The following MEDAG variants were observed in gnomAD, a reference collection of about 807,000 sequenced individuals.
MEDAG encodes mesenteric estrogen dependent adipogenesis, also known as mesenteric estrogen-dependent adipogenesis protein.
A neutral mutation model predicts 29.9 loss-of-function variants in MEDAG; 25 were observed. The observed-to-expected ratio is 0.84, with a 90% confidence interval of 0.61 to 1.17. MEDAG has a LOEUF of 1.17. MEDAG is among the 50% of genes most tolerant of loss of function. The pLI is 0.00. For synonymous variants in MEDAG, 158 were observed against 148.2 expected (o/e 1.07, Z -0.48); for missense variants, 398 against 372.9 (o/e 1.07, Z -0.56).
chr13:30,917,283 G>T, intron 1 of MEDAG, 120 bp from the exon 2 acceptor site: 1 of 702,842 alleles, frequency 1.4e-6, no homozygotes, highest in Non-Finnish European at 2.6e-6. Context: ...CTGTAAGGAT[G>T]CATTTCAAGG....
In MEDAG at chr13:30,921,819, G is replaced by T. The variant is rs768660202; in HGVS notation, c.760G>T (p.Asp254Tyr). ...TTTAATCCGAAGGAGCAGTTTCTCT[G>T]ACCGAAAGTTCAGTGTAACTTCCAG... ...EPLIRRSSFS[D>Y]RKFSVTSRGS... The change falls in exon 4 of 5, where the codon GAC becomes TAC. Residue 254 changes from aspartate (D) to tyrosine (Y), a missense_variant. Asp to Tyr is a radical substitution (Grantham distance 160, BLOSUM62 -3). Transcript: ENST00000380482. 1.2e-6 allele frequency: 2 copies of T among 1,609,142 alleles called. No individual in the cohort carries two copies. The highest frequency in any genetic ancestry group is 1.1e-5 in the South Asian group (1 of 89,730).
Position 30,906,409 on chromosome 13 carries a change from G to C in MEDAG, c.-107G>C, listed in dbSNP as rs1013127439. On this transcript the variant is annotated 5_prime_UTR_variant, in exon 1 of 5. Coordinates refer to ENST00000380482, the MANE Select transcript of MEDAG (RefSeq NM_032849.4). ...CCGACCCCCTCCTCACCTCGCGCGCGGCTGACGCAGGCAGGGCGCCCGGCC... is the reference window on the plus strand; with the variant it reads ...CCGACCCCCTCCTCACCTCGCGCGCCGCTGACGCAGGCAGGGCGCCCGGCC... 3 of 1,229,708 alleles carry C rather than the reference G, an allele frequency of 2.4e-6. No homozygotes were observed. Among genetic ancestry groups the C allele is most frequent in the African/African-American group, 3.1e-5 (2 of 63,660 alleles). The allele number at this position is 1,229,708 out of a possible 1,614,324, so 76.2% of individuals were successfully genotyped here.
chr13:30,918,672 A>G (rs1015433907), intron 2 of MEDAG, among the ~76,000 whole-genome samples: 11 of 152,352 alleles, frequency 7.2e-5, no homozygotes, highest in Admixed American at 2.0e-4. Flanking sequence ...CTTGCTTCTA[A>G]CTAACATTCT....
chr13:30,907,838 A>G (rs1056857616), intron 1 of MEDAG, among the ~76,000 whole-genome samples: 10 of 152,350 alleles, frequency 6.6e-5, no homozygotes, highest in South Asian at 6.2e-4. Flanking sequence ...AAAATGAGAT[A>G]TTGAACGTGC....
In MEDAG at chr13:30,921,770, A is replaced by T. The variant is rs536772013; in HGVS notation, c.711A>T (p.Leu237Phe). 1.2e-6 allele frequency: 2 copies of T among 1,613,502 alleles called. No individual in the cohort carries two copies. Among genetic ancestry groups the T allele is most frequent in the South Asian group, 1.1e-5 (1 of 90,778 alleles). ...CAGAAAAGAAGGAGACGATTAAGTT[A>T]TTTCTGGAAAAAATGAGTGAGCCTT... ...TSPEKKETIK[L>F]FLEKMSEPLI... Residue 237 changes from leucine to phenylalanine, a missense_variant, in exon 4 of 5, where the codon TTA becomes TTT. By Grantham distance (22) the Leu-to-Phe change is conservative (BLOSUM62 0). Coordinates refer to ENST00000380482, the MANE Select transcript of MEDAG (RefSeq NM_032849.4).
chr13:30,912,105 T>C (rs1421946375), intron 1 of MEDAG, among the ~76,000 whole-genome samples: 1 of 152,204 alleles, frequency 6.6e-6, no homozygotes, highest in Non-Finnish European at 1.5e-5. Flanking sequence ...AATGAATCAT[T>C]CTCTGCCCCA....
In MEDAG at chr13:30,924,552, C is replaced by A. The variant is rs1953023411; in HGVS notation, c.*117C>A. ...TCCACCTGCGTGTCAATCTCCGGCT[C>A]CTCCATGGCTTCTATGGAGGACTCC... On this transcript the variant is annotated 3_prime_UTR_variant, in exon 5 of 5. Transcript: ENST00000380482. The A allele has an allele frequency of 9.1e-7, 1 of 1,098,090 alleles. No individual in the cohort carries two copies. Among genetic ancestry groups the A allele is most frequent in the Non-Finnish European group, 1.3e-6 (1 of 773,108 alleles). 68.0% of individuals were successfully genotyped at this position (1,098,090 alleles called of 1,614,324 possible). A position where few individuals can be genotyped will look rare whatever the true frequency, so the allele number is the denominator to read the frequency against.
chr13:30,910,378 G>A (rs933958702), intron 1 of MEDAG, among the ~76,000 whole-genome samples: 2 of 152,144 alleles, frequency 1.3e-5, no homozygotes, highest in East Asian at 1.9e-4. Flanking sequence ...ACATTTACTC[G>A]AATGGTGTAA....
At position 30,906,747 on chromosome 13, in the gene MEDAG, G is replaced by T. The variant is rs1031639600; in HGVS notation, c.232G>T (p.Val78Leu). The T allele has an allele frequency of 1.3e-6, 2 of 1,511,894 alleles. No homozygotes were observed. The highest frequency in any genetic ancestry group is 4.1e-5 in the Admixed American group (2 of 48,526). 93.7% of individuals were successfully genotyped at this position (1,511,894 alleles called of 1,614,324 possible). The change falls in exon 1 of 5, where the codon GTG (valine) becomes TTG (leucine). Residue 78 changes from valine to leucine, a missense_variant. Coordinates refer to ENST00000380482, the MANE Select transcript of MEDAG (RefSeq NM_032849.4). The part of the protein sequence containing the change: ...GGFNVFGDGL[V>L]RLDGQLYRLS... ...CTTCAACGTCTTCGGTGACGGCCTC[G>T]TGCGCCTCGACGGGCAGCTCTACCG...
rs1038935495 is a variant in MEDAG, at chr13:30,906,361, C to T, written c.-155C>T. 3.9e-6 allele frequency: 3 copies of T among 763,886 alleles called. No individual in the cohort carries two copies. The highest frequency in any genetic ancestry group is 3.7e-5 in the African/African-American group (2 of 54,628). 47.3% of individuals were successfully genotyped at this position (763,886 alleles called of 1,614,324 possible). ...GTCAGACTGGCACCTGAGCGGCCAC[C>T]GCGTCCCGGCCAGGCGGGCAGACCG... is the stretch of plus-strand genomic sequence containing the variant. On this transcript the variant is annotated 5_prime_UTR_variant, in exon 1 of 5. Coordinates refer to ENST00000380482, the MANE Select transcript of MEDAG (RefSeq NM_032849.4).
intron 2 of MEDAG, 74 bp downstream of exon 2, chr13:30,917,586 G>C (rs1463332627): frequency 1.2e-6 from 1 of 864,892 alleles, no homozygotes; most frequent in African/African-American, 1.7e-5. Flanking sequence ...ATAAAGAAAA[G>C]AGGTTTAATT....
chr13:30,910,825 G>A (rs1593504139), intron 1 of MEDAG, among the ~76,000 whole-genome samples: 1 of 152,228 alleles, frequency 6.6e-6, no homozygotes, highest in African/African-American at 2.4e-5. Flanking sequence ...GAAGTTTACT[G>A]GGGGAAGCCT....
chr13:30,922,183 A>G (rs1952994498), intron 4 of MEDAG: 2 of 180,912 alleles, frequency 1.1e-5, no homozygotes, highest in South Asian at 2.8e-4. Flanking sequence ...CCAAATGTTC[A>G]TATTCTGTAC....
intron 1 of MEDAG, among the ~76,000 whole-genome samples, chr13:30,907,524 C>G (rs935458063): frequency 6.6e-6 from 1 of 152,168 alleles, no homozygotes; most frequent in African/African-American, 2.4e-5. Flanking sequence ...CTTGGCAGAC[C>G]GGCAGGATGT....
At chr13:30,918,493 C>T (rs1952951354) in intron 2 of MEDAG, among the ~76,000 whole-genome samples, 1 of 152,152 alleles carries the variant, frequency 6.6e-6, no homozygotes, top group South Asian at 2.1e-4. Flanking sequence ...CATGTTTAGA[C>T]ACATCTCTTC....
intron 3 of MEDAG, 95 bp from the exon 4 acceptor site, chr13:30,921,466 T>C: frequency 5.5e-6 from 6 of 1,081,142 alleles, no homozygotes; most frequent in Non-Finnish European, 8.0e-6. Flanking sequence ...AAATAAGAGG[T>C]GTGATGTTTT....
chr13:30,918,368 G>A (rs7319421), intron 2 of MEDAG, among the ~76,000 whole-genome samples: 14,573 of 152,144 alleles, frequency 0.096, 731 homozygotes, highest in African/African-American at 0.12. Context: ...ACTAGGATGC[G>A]TAATTATCCC....
At chr13:30,911,028 T>C (rs74872815) in intron 1 of MEDAG, among the ~76,000 whole-genome samples, 3,561 of 152,230 alleles carry the variant, frequency 0.023, 150 homozygotes, top group African/African-American at 0.081. Context: ...CATTGAGCTG[T>C]GAGATTTTTA....
intron 1 of MEDAG, among the ~76,000 whole-genome samples, chr13:30,908,169 G>T (rs898941970): frequency 6.6e-6 from 1 of 152,226 alleles, no homozygotes; most frequent in African/African-American, 2.4e-5. Flanking sequence ...TGATTTTGAA[G>T]TCTGTCATCT....
Sources: gnomAD v4.1 joint callset for allele counts (sites outside exome capture counted in the v4.1 genomes callset) on GRCh38, gnomAD v4.1.1 for gene constraint, MANE v1.5 for transcripts, NCBI Gene and HGNC (gene_info 2026-07-23, HGNC 2026-07-21) for gene names.